Variants in SYNJ2BP observed in about 807,000 individuals in gnomAD.
The protein encoded by SYNJ2BP is synaptojanin 2 binding protein, also known as synaptojanin-2-binding protein.
In SYNJ2BP, 10 loss-of-function variants were observed where a neutral mutation model predicts 16.9. That is an observed-to-expected ratio of 0.59 (90% CI 0.36 to 1.00). The LOEUF is 1.00. SYNJ2BP is among the 50% of genes least tolerant of loss of function. SYNJ2BP has a pLI of 0.01. For synonymous variants in SYNJ2BP, 54 were observed against 68.4 expected (o/e 0.79, Z 1.04); for missense variants, 162 against 186.7 (o/e 0.87, Z 0.77).
rs1887528689 is a variant in SYNJ2BP at position 70,372,035 on chromosome 14, T to G, written c.*956A>C. ...AAAGTTTTTTAGATGTGAGCAGCGC[T>G]GGATTATGGCAATTTACCTTATAAT... On this transcript the variant is annotated 3_prime_UTR_variant, in exon 4 of 4. Transcript: ENST00000256366. 2 of 152,232 alleles carry G rather than the reference T, an allele frequency of 1.3e-5. No homozygotes were observed. The highest frequency in any genetic ancestry group is 1.3e-4 in the Admixed American group (2 of 15,284). The allele number at this position is 152,232 out of a possible 1,614,324, so 9.4% of individuals were successfully genotyped here. A position where few individuals can be genotyped will look rare whatever the true frequency, so the allele number is the denominator to read the frequency against.
At chr14:70,373,856 A>T (rs1367242875) in intron 3 of SYNJ2BP, among the ~76,000 whole-genome samples, 1 of 152,236 alleles carries the variant, frequency 6.6e-6, no homozygotes. Context: ...GCTCTTCTTA[A>T]TATCAACTTT....
chr14:70,381,793 G>A (rs76750954), intron 2 of SYNJ2BP, among the ~76,000 whole-genome samples: 1 of 152,232 alleles, frequency 6.6e-6, no homozygotes, highest in African/African-American at 2.4e-5. Context: ...GCCTGAAACA[G>A]TCTTTTAACT....
chr14:70,408,750 A>T (rs2140871191), intron 1 of SYNJ2BP, among the ~76,000 whole-genome samples: 1 of 152,324 alleles, frequency 6.6e-6, no homozygotes, highest in East Asian at 1.9e-4. Flanking sequence ...TAGCTGAGGA[A>T]ACTGGGGCAG....
chr14:70,369,771 C>T lies in SYNJ2BP; in HGVS notation c.*3220G>A, dbSNP rs1305444789. 2.6e-5 allele frequency: 4 copies of T among 152,168 alleles called. No homozygotes were observed. Among genetic ancestry groups the T allele is most frequent in the Non-Finnish European group, 2.9e-5 (2 of 68,030 alleles). The allele number at this position is 152,168 out of a possible 1,614,324, so 9.4% of individuals were successfully genotyped here. A position where few individuals can be genotyped will look rare whatever the true frequency, so the allele number is the denominator to read the frequency against. ...TGAAACTTCACAGGAAAACAAAGTA[C>T]AGCTAGTTGAAGCAAACAATATCTT... On this transcript the variant is annotated 3_prime_UTR_variant, in exon 4 of 4. Coordinates refer to ENST00000256366, the MANE Select transcript of SYNJ2BP (RefSeq NM_018373.3).
Position 70,373,259 on chromosome 14 carries a change from A to C in SYNJ2BP, c.298-128T>G. 5.0e-6 allele frequency: 6 copies of C among 1,203,086 alleles called. No individual in the cohort carries two copies. The South Asian group carries it at 9.3e-5, about 19-fold the overall frequency. 74.5% of individuals were successfully genotyped at this position (1,203,086 alleles called of 1,614,324 possible). A position where few individuals can be genotyped will look rare whatever the true frequency, so the allele number is the denominator to read the frequency against. ...AAAACTGTAACCCCCAGCAATACCT[A>C]GCAGAAGGAGTCCTCTCTTTGTCCT... On this transcript the variant is annotated intron_variant, in intron 3 of 3. Transcript: ENST00000256366.
chr14:70,380,967 T>G (rs1664127654), intron 2 of SYNJ2BP, among the ~76,000 whole-genome samples: 1 of 152,214 alleles, frequency 6.6e-6, no homozygotes, highest in South Asian at 2.1e-4. Context: ...TCTCAGCTGA[T>G]CATTATAACT....
chr14:70,400,843 T>C (rs1230146022), intron 1 of SYNJ2BP, among the ~76,000 whole-genome samples: 1 of 152,234 alleles, frequency 6.6e-6, no homozygotes, highest in Non-Finnish European at 1.5e-5. Context: ...TTTACTTAGA[T>C]GCTGATAAGG....
chr14:70,376,185 G>A (rs906466226), intron 2 of SYNJ2BP, among the ~76,000 whole-genome samples: 1 of 152,128 alleles, frequency 6.6e-6, no homozygotes, highest in African/African-American at 2.4e-5. Flanking sequence ...TGCAACTGTA[G>A]AAATATAACT....
rs1396143958 is a variant in SYNJ2BP at position 70,373,090 on chromosome 14, C to T, written c.339G>A (p.Gly113=). 6.2e-7 allele frequency: 1 copy of T among 1,614,094 alleles called. No homozygotes were observed. Among genetic ancestry groups the T allele is most frequent in the African/African-American group, 1.3e-5 (1 of 75,034 alleles). ...QNGPIGHRGE[G]DPSGIPIFMV... ...TAAATATGGGAATACCACTTGGGTC[C>T]CCTTCACCTCGATGTCCTATAGGTC... Residue 113 remains glycine, a synonymous_variant, in exon 4 of 4, where the codon GGG becomes GGA. Coordinates refer to ENST00000256366, the MANE Select transcript of SYNJ2BP (RefSeq NM_018373.3).
intron 2 of SYNJ2BP, among the ~76,000 whole-genome samples, chr14:70,378,887 T>G (rs550694878): frequency 1.3e-5 from 2 of 152,352 alleles, no homozygotes; most frequent in East Asian, 3.9e-4. Context: ...GTAATTACTC[T>G]ATGTTCACCT....
chr14:70,384,331 C>A (rs7152584), intron 2 of SYNJ2BP, among the ~76,000 whole-genome samples: 132,929 of 152,194 alleles, frequency 0.87, 58,106 homozygotes, highest in East Asian at 0.93. Flanking sequence ...ATGCGTGGAG[C>A]ATAGGAAAAT....
chr14:70,388,310 G>A (rs925587994), intron 2 of SYNJ2BP, among the ~76,000 whole-genome samples, 160 bp downstream of exon 2: 3 of 152,180 alleles, frequency 2.0e-5, no homozygotes, highest in Non-Finnish European at 4.4e-5. Flanking sequence ...CATGCTCAAT[G>A]ATAGGGTTGG....
intron 1 of SYNJ2BP, among the ~76,000 whole-genome samples, chr14:70,397,019 C>A (rs1248322660): frequency 1.3e-5 from 2 of 152,058 alleles, no homozygotes; most frequent in Non-Finnish European, 2.9e-5. Context: ...TGTTTTGTTG[C>A]CTGTGCTTTT....
intron 1 of SYNJ2BP, among the ~76,000 whole-genome samples, chr14:70,391,879 ACTCCT>A (rs1379675905): frequency 6.6e-6 from 1 of 152,204 alleles, no homozygotes; most frequent in Non-Finnish European, 1.5e-5. Flanking sequence ...TAACATGAGA[ACTCCT>A]GGACTGACCT....
chr14:70,413,403 C>A (rs61979070), intron 1 of SYNJ2BP, among the ~76,000 whole-genome samples: 8,197 of 152,246 alleles, frequency 0.054, 282 homozygotes, highest in Middle Eastern at 0.11. Flanking sequence ...CTTTGGGAGG[C>A]CAAGGCAGGT....
intron 1 of SYNJ2BP, among the ~76,000 whole-genome samples, chr14:70,404,090 G>T (rs1340186740): frequency 2.0e-5 from 3 of 152,020 alleles, no homozygotes; most frequent in Admixed American, 1.3e-4. Context: ...TTGAGGCCAG[G>T]CATGGTAGCT....
At chr14:70,410,901 G>C (rs1394941712) in intron 1 of SYNJ2BP, among the ~76,000 whole-genome samples, 2 of 151,954 alleles carry the variant, frequency 1.3e-5, no homozygotes, top group Non-Finnish European at 1.5e-5. Flanking sequence ...ATAACTAATG[G>C]GTACTAGGCT....
Position 70,417,035 on chromosome 14 carries a change from G to A in SYNJ2BP, c.-72C>T, listed in dbSNP as rs1000868192. 4 of 1,610,998 alleles carry A rather than the reference G, an allele frequency of 2.5e-6. No homozygotes were observed. Among genetic ancestry groups the A allele is most frequent in the African/African-American group, 1.3e-5 (1 of 74,794 alleles). ...CACAGGTGAAGGTGAATCAATCTCG[G>A]CGCTGCGCCCACAGCACAGCGGTTT... On this transcript the variant is annotated 5_prime_UTR_variant, in exon 1 of 4. Transcript: ENST00000256366.
chr14:70,375,633 G>C, intron 3 of SYNJ2BP, 43 bp downstream of exon 3: 1 of 1,597,920 alleles, frequency 6.3e-7, no homozygotes, highest in African/African-American at 1.4e-5. Context: ...GAAGTACAGT[G>C]CAAAAGCCTG....
Sources: gnomAD v4.1 joint callset for allele counts (sites outside exome capture counted in the v4.1 genomes callset) on GRCh38, gnomAD v4.1.1 for gene constraint, MANE v1.5 for transcripts, NCBI Gene and HGNC (gene_info 2026-07-23, HGNC 2026-07-21) for gene names.